BARX2: variants seen among roughly 807,000 people sequenced by gnomAD.
BARX2 encodes BARX homeobox 2.
BARX2 carries 11 observed loss-of-function variants against 25.5 expected under a neutral mutation model. The observed-to-expected ratio is 0.43, with a 90% CI of 0.27 to 0.71. The LOEUF is 0.71. Among genes scored for constraint, BARX2 ranks in the 30% least tolerant of loss-of-function variants. BARX2 has a pLI of 0.19. For synonymous variants in BARX2, 137 were observed against 149.5 expected (o/e 0.92, Z 0.61); for missense variants, 360 against 359.9 (o/e 1.00, Z 0.00).
At chr11:129,412,466 C>T (rs1024771209) in intron 1 of BARX2, among the ~76,000 whole-genome samples, 15 of 152,286 alleles carry the variant, frequency 9.8e-5, no homozygotes, top group African/African-American at 3.4e-4. Flanking sequence ...TAAACAGCAA[C>T]GATTATTGAA....
intron 1 of BARX2, among the ~76,000 whole-genome samples, chr11:129,415,960 T>G (rs957196687): frequency 1.3e-5 from 2 of 152,246 alleles, no homozygotes; most frequent in Non-Finnish European, 2.9e-5. Context: ...TTTAGCCCCC[T>G]TCTTAGGCTC....
intron 1 of BARX2, among the ~76,000 whole-genome samples, chr11:129,401,407 GA>G (rs1861774288): frequency 6.6e-6 from 1 of 152,168 alleles, no homozygotes; most frequent in African/African-American, 2.4e-5. Flanking sequence ...AGAGGGGTTG[GA>G]AAATAGGTAA....
At chr11:129,402,817 T>C (rs563302991) in intron 1 of BARX2, among the ~76,000 whole-genome samples, 13 of 152,336 alleles carry the variant, frequency 8.5e-5, no homozygotes, top group Middle Eastern at 3.4e-3. Context: ...GATGCCATTG[T>C]AGACACAGAG....
chr11:129,443,963 C>T (rs1430216533), intron 3 of BARX2, among the ~76,000 whole-genome samples: 1 of 152,164 alleles, frequency 6.6e-6, no homozygotes, highest in African/African-American at 2.4e-5. Context: ...TCTTTCTCCT[C>T]TCGTCCATGC....
intron 1 of BARX2, among the ~76,000 whole-genome samples, chr11:129,417,123 G>A (rs367793468): frequency 1.3e-5 from 2 of 152,074 alleles, no homozygotes; most frequent in African/African-American, 4.8e-5. Flanking sequence ...GGATGGTCTC[G>A]AACTCCTGAC....
intron 1 of BARX2, among the ~76,000 whole-genome samples, chr11:129,423,117 A>ATTT (rs397729545): frequency 1.4e-5 from 2 of 145,366 alleles, no homozygotes; most frequent in African/African-American, 2.5e-5. Flanking sequence ...ATCAGATTGG[A>ATTT]TTTTTTTTTT....
intron 1 of BARX2, among the ~76,000 whole-genome samples, chr11:129,417,782 T>C (rs1326429697): frequency 6.6e-6 from 1 of 152,212 alleles, no homozygotes; most frequent in African/African-American, 2.4e-5. Context: ...TAGCCTCCAT[T>C]TGTATGGCCT....
chr11:129,440,928 C>T (rs1000749554), intron 2 of BARX2, among the ~76,000 whole-genome samples: 1 of 152,120 alleles, frequency 6.6e-6, no homozygotes, highest in Non-Finnish European at 1.5e-5. Context: ...GGGTTGCTGC[C>T]CAAGCTCTGT....
chr11:129,438,694 C>T (rs540386185), intron 2 of BARX2, among the ~76,000 whole-genome samples: 13 of 152,260 alleles, frequency 8.5e-5, no homozygotes, highest in East Asian at 5.8e-4. Context: ...GCAGGGATTA[C>T]GGGTCCAGAA....
At chr11:129,418,067 T>G (rs1861963903) in intron 1 of BARX2, among the ~76,000 whole-genome samples, 1 of 152,210 alleles carries the variant, frequency 6.6e-6, no homozygotes, top group Non-Finnish European at 1.5e-5. Context: ...GCTTAGAACC[T>G]AGGGAGAAGA....
chr11:129,419,645 G>C (rs1341515116), intron 1 of BARX2, among the ~76,000 whole-genome samples: 1 of 152,046 alleles, frequency 6.6e-6, no homozygotes, highest in East Asian at 1.9e-4. Context: ...TTGTCCCTCT[G>C]TCCTTGGCCT....
chr11:129,380,812 G>GTT (rs5795668), intron 1 of BARX2, among the ~76,000 whole-genome samples: 22 of 146,958 alleles, frequency 1.5e-4, no homozygotes, highest in African/African-American at 4.2e-4. Context: ...TTAGGAGTCA[G>GTT]TTTTTTTTTT....
intron 1 of BARX2, among the ~76,000 whole-genome samples, chr11:129,382,092 C>T (rs1861570944): frequency 6.6e-6 from 1 of 152,206 alleles, no homozygotes; most frequent in Non-Finnish European, 1.5e-5. Context: ...GTGTTATTTG[C>T]ACTTTGTTTT....
At chr11:129,382,239 G>A (rs528140054) in intron 1 of BARX2, among the ~76,000 whole-genome samples, 13 of 152,066 alleles carry the variant, frequency 8.5e-5, no homozygotes, top group African/African-American at 3.1e-4. Context: ...AGTGCAGTGG[G>A]GCGATCTTGG....
intron 1 of BARX2, among the ~76,000 whole-genome samples, chr11:129,397,938 A>G (rs1861738780): frequency 2.0e-5 from 3 of 152,164 alleles, no homozygotes; most frequent in African/African-American, 4.8e-5. Context: ...ACAGCTGAAC[A>G]TTTTCTGATG....
At chr11:129,380,792 A>G (rs1406335830) in intron 1 of BARX2, among the ~76,000 whole-genome samples, 5 of 149,524 alleles carry the variant, frequency 3.3e-5, no homozygotes, top group Admixed American at 6.8e-5. Context: ...TAGAGATACC[A>G]AGGGATTCCT....
intron 1 of BARX2, among the ~76,000 whole-genome samples, chr11:129,388,234 G>C (rs549645604): frequency 6.6e-6 from 1 of 152,184 alleles, no homozygotes; most frequent in African/African-American, 2.4e-5. Context: ...GTGCCAGTTC[G>C]TCTTTCATTT....
rs965294731 is a variant in BARX2 at position 129,376,910 on chromosome 11, A to G, written c.187+688A>G. Among the ~76,000 whole-genome samples, 1 of 152,264 alleles carries G rather than the reference A, an allele frequency of 6.6e-6. No homozygotes were observed. Among genetic ancestry groups the G allele is most frequent in the East Asian group, 1.9e-4 (1 of 5,202 alleles). On this transcript the variant is annotated intron_variant, in intron 1 of 3. Transcript: ENST00000281437. This position sits in a 1 kb window ranked among gnomAD's most constrained non-coding sequence, Gnocchi z 4.2. ...TTCTCTCTTCACGGGAGGTAAGAGC[A>G]ATAGTAAAGATAAAGAGAACTTAAT...
intron 1 of BARX2, among the ~76,000 whole-genome samples, chr11:129,415,937 C>T (rs1473081662): frequency 2.6e-5 from 4 of 152,364 alleles, no homozygotes; most frequent in South Asian, 2.1e-4. Context: ...TTGGATCCAA[C>T]GTGACTGGGG....
Sources: allele counts gnomAD v4.1 joint callset (sites outside exome capture counted in the v4.1 genomes callset), GRCh38; gene constraint gnomAD v4.1.1; non-coding constraint Gnocchi (gnomAD v3.1); transcripts MANE v1.5; gene names NCBI Gene and HGNC (gene_info 2026-07-23, HGNC 2026-07-21).